The following MBD5 variants were observed in gnomAD, a reference collection of about 807,000 sequenced individuals.
MBD5 encodes the protein methyl-CpG-binding domain protein 5.
Under a neutral mutation model 117.3 loss-of-function variants are expected in MBD5, and 13 were observed. That is an observed-to-expected ratio of 0.11 (90% CI 0.07 to 0.18). MBD5 has a LOEUF of 0.18. Ranked by LOEUF, MBD5 falls within the 10% of genes least tolerant of loss-of-function variation. MBD5 has a pLI of 1.00. For missense variants in MBD5, 1,879 were observed against 2,093.8 expected (o/e 0.90, Z 2.00); for synonymous variants, 727 against 766.4 (o/e 0.95, Z 0.85).
At chr2:148,345,894 G>A (rs531763469) in intron 4 of MBD5, 1 of 151,872 alleles carries the variant, frequency 6.6e-6, no homozygotes, top group African/African-American at 2.4e-5. Flanking sequence ...GGCTAGGCCT[G>A]TCTCTCCTTT....
chr2:148,392,310 A>G (rs1704590756), intron 4 of MBD5, among the ~76,000 whole-genome samples: 1 of 152,008 alleles, frequency 6.6e-6, no homozygotes, highest in Admixed American at 6.6e-5. Flanking sequence ...ACTGCCAAAT[A>G]CTCTATTTCT....
Position 148,259,942 on chromosome 2 carries a change from A to G in MBD5, c.-680+26547A>G, listed in dbSNP as rs756120627. The stretch of plus-strand genomic sequence containing the variant: ...TACTAACAACAACAACAAAAAAGCT[A>G]ATGATCACCTGAGCCTTCAGCAAAT... On this transcript the variant is annotated intron_variant, in intron 3 of 13. Coordinates refer to ENST00000642680, the MANE Select transcript of MBD5 (RefSeq NM_001378120.1). Among the ~76,000 whole-genome samples, 11 of 152,308 alleles carry G rather than the reference A, an allele frequency of 7.2e-5. No individual in the cohort carries two copies. The South Asian group carries it at 8.3e-4, about 11-fold the overall frequency.
chr2:148,130,182 A>G lies in MBD5; in HGVS notation c.-924-48518A>G, dbSNP rs537979890. On this transcript the variant is annotated intron_variant, in intron 1 of 13. Coordinates refer to ENST00000642680, the MANE Select transcript of MBD5 (RefSeq NM_001378120.1). ...AAAAGAGAAGACTATAACTATCATC[A>G]TTATTTTGAAGAAATGTTAATACAA... 6.6e-5 allele frequency among the ~76,000 whole-genome samples: 10 copies of G among 152,326 alleles called. No individual in the cohort carries two copies. The East Asian group carries it at 1.7e-3, about 26-fold the overall frequency.
chr2:148,140,478 A>T (rs1464554114), intron 1 of MBD5, among the ~76,000 whole-genome samples: 2 of 152,200 alleles, frequency 1.3e-5, no homozygotes, highest in Admixed American at 1.3e-4. Context: ...TTAACTAGTC[A>T]CAATTCTCCC....
intron 1 of MBD5, among the ~76,000 whole-genome samples, chr2:148,036,457 A>G (rs1694197568): frequency 6.6e-6 from 1 of 152,154 alleles, no homozygotes; most frequent in Non-Finnish European, 1.5e-5. Flanking sequence ...CTTTGGATAT[A>G]TCCTCTTACT....
chr2:148,417,466 A>G (rs1705459245), intron 4 of MBD5, among the ~76,000 whole-genome samples: 1 of 151,998 alleles, frequency 6.6e-6, no homozygotes, highest in Non-Finnish European at 1.5e-5. Context: ...TACTTTGGGT[A>G]GATACCCAGT....
intron 4 of MBD5, among the ~76,000 whole-genome samples, chr2:148,394,161 T>C (rs1704638859): frequency 6.6e-6 from 1 of 152,198 alleles, no homozygotes; most frequent in Admixed American, 6.5e-5. Context: ...GTTTTTTCTT[T>C]AGTGGTATTA....
At chr2:148,108,224 C>T (rs577883661) in intron 1 of MBD5, among the ~76,000 whole-genome samples, 3 of 152,082 alleles carry the variant, frequency 2.0e-5, no homozygotes, top group Non-Finnish European at 4.4e-5. Flanking sequence ...CATTTTGGAT[C>T]TAATACAAAT....
At chr2:148,173,284 A>C (rs367825794) in intron 1 of MBD5, among the ~76,000 whole-genome samples, 2 of 151,830 alleles carry the variant, frequency 1.3e-5, no homozygotes, top group East Asian at 3.9e-4. Flanking sequence ...CTGTGTTCCC[A>C]GGTGTCTCCG....
chr2:148,444,607 T>C lies in MBD5; in HGVS notation c.-556-13596T>C, dbSNP rs73019220. On this transcript the variant is annotated intron_variant, in intron 4 of 13. Transcript: ENST00000642680. ...TATTAATCTTTCAGAAATGAGATCA[T>C]TTGCAAAGATTAGGCGAAGTTTCAG... is the stretch of plus-strand genomic sequence containing the variant. Among the ~76,000 whole-genome samples, 745 of 151,344 alleles carry C rather than the reference T, an allele frequency of 4.9e-3. 41 individuals carry two copies. The highest frequency in any genetic ancestry group is 0.017 in the African/African-American group (702 of 40,704).
intron 2 of MBD5, among the ~76,000 whole-genome samples, chr2:148,198,462 G>A (rs904537198): frequency 6.6e-6 from 1 of 151,772 alleles, no homozygotes; most frequent in African/African-American, 2.4e-5. Flanking sequence ...CATTTGGTGA[G>A]GTTTTATATA....
At chr2:148,362,549 G>C (rs1158185025) in intron 4 of MBD5, among the ~76,000 whole-genome samples, 2 of 152,202 alleles carry the variant, frequency 1.3e-5, no homozygotes, top group Non-Finnish European at 2.9e-5. Flanking sequence ...AGGAACAGCT[G>C]TGTGCACAGC....
chr2:148,455,015 C>A (rs182930836), intron 4 of MBD5, among the ~76,000 whole-genome samples: 1 of 152,072 alleles, frequency 6.6e-6, no homozygotes, highest in South Asian at 2.1e-4. Flanking sequence ...TTGTTTGTAT[C>A]CTCGCCTATT....
intron 3 of MBD5, among the ~76,000 whole-genome samples, chr2:148,247,589 G>A (rs4972341): frequency 0.47 from 72,090 of 151,802 alleles, 17,392 homozygotes; most frequent in East Asian, 0.71. Flanking sequence ...TTGAGTGGTG[G>A]TATACAGTGG....
chr2:148,435,499 A>C (rs1162526910), intron 4 of MBD5, among the ~76,000 whole-genome samples: 1 of 152,144 alleles, frequency 6.6e-6, no homozygotes, highest in Non-Finnish European at 1.5e-5. Flanking sequence ...TTCACTTGTG[A>C]AGCTTAGTTT....
intron 4 of MBD5, among the ~76,000 whole-genome samples, chr2:148,455,987 A>C (rs1440266677): frequency 2.0e-5 from 3 of 152,088 alleles, no homozygotes; most frequent in Non-Finnish European, 4.4e-5. Flanking sequence ...AAGCGCTAGA[A>C]ATTCCATGAG....
chr2:148,179,282 G>A (rs1202370849), intron 2 of MBD5, among the ~76,000 whole-genome samples: 2 of 151,342 alleles, frequency 1.3e-5, no homozygotes, highest in East Asian at 3.9e-4. Context: ...GTGAACCCGG[G>A]AGGCGGAGCT....
At chr2:148,427,678 T>A (rs567241541) in intron 4 of MBD5, among the ~76,000 whole-genome samples, 22 of 152,014 alleles carry the variant, frequency 1.4e-4, no homozygotes, top group Non-Finnish European at 2.8e-4. Context: ...TTAGGAGATA[T>A]ACCTAATGTT....
In MBD5 at chr2:148,470,228, A is replaced by G. The variant is rs2105641515; in HGVS notation, c.2285A>G (p.His762Arg). The G allele has an allele frequency of 6.2e-6, 10 of 1,613,988 alleles. No individual in the cohort carries two copies. The highest frequency in any genetic ancestry group is 1.1e-5 in the South Asian group (1 of 91,088). Residue 762 changes from histidine (H) to arginine (R), a missense_variant, in exon 8 of 14, where the codon CAC becomes CGC. Transcript: ENST00000642680. ...TTAAGAGGGGAAGCCGTGCACTGCC[A>G]CAATGCAAACACTAACTTTGTTCAC... Reference protein sequence around the residue: ...IPLRGEAVHCHNANTNFVHSN... With the variant: ...IPLRGEAVHCRNANTNFVHSN...
Sources: gnomAD v4.1 joint callset for allele counts (sites outside exome capture counted in the v4.1 genomes callset) on GRCh38, gnomAD v4.1.1 for gene constraint, MANE v1.5 for transcripts, NCBI Gene and HGNC (gene_info 2026-07-23, HGNC 2026-07-21) for gene names.